VPS37C: variants seen among roughly 807,000 people sequenced by gnomAD.
The protein encoded by VPS37C is VPS37C subunit of ESCRT-I.
Under a neutral mutation model 16.1 loss-of-function variants are expected in VPS37C, and 9 were observed. The ratio of observed to expected loss-of-function variants is 0.56; its 90% CI spans 0.34 to 0.97. The LOEUF is 0.97. VPS37C is among the 50% of genes least tolerant of loss of function. The pLI is 0.02. For missense variants in VPS37C, 479 were observed against 472.7 expected (o/e 1.01, Z -0.12); for synonymous variants, 207 against 206.4 (o/e 1.00, Z -0.02).
At chr11:61,152,512 A>AC (rs1853312407) in intron 1 of VPS37C, among the ~76,000 whole-genome samples, 1 of 151,670 alleles carries the variant, frequency 6.6e-6, no homozygotes, top group Non-Finnish European at 1.5e-5. Context: ...CCTCTTCTAC[A>AC]CCCCCCAGTA....
At chr11:61,148,578 T>TAAAAAAAAA (rs148831092) in intron 1 of VPS37C, among the ~76,000 whole-genome samples, 1 of 143,600 alleles carries the variant, frequency 7.0e-6, no homozygotes. Flanking sequence ...CACAGGAGGT[T>TAAAAAAAAA]AAAAAAAAAA....
chr11:61,142,975 T>TAAAAAAAAAAAAAAAAAAAAAAAA, intron 1 of VPS37C, among the ~76,000 whole-genome samples: 2 of 47,588 alleles, frequency 4.2e-5, no homozygotes, highest in Non-Finnish European at 8.4e-5. Flanking sequence ...AAAGAATAGC[T>TAAAAAAAAAAAAAAAAAAAAAAAA]AAAAAAAAAA....
In VPS37C at chr11:61,130,434, T is replaced by A. The variant is rs1861232013; in HGVS notation, c.*1386A>T. On this transcript the variant is annotated 3_prime_UTR_variant, in exon 5 of 5. Transcript: ENST00000301765. ...CAGCGCTGACCTAGCGTCACGCGGA[T>A]GGCACATAGGCCGGGGAGGGGCAGG... 5.7e-6 allele frequency: 1 copy of A among 175,530 alleles called. No homozygotes were observed. Among genetic ancestry groups the A allele is most frequent in the Non-Finnish European group, 1.2e-5 (1 of 83,394 alleles). 10.9% of individuals were successfully genotyped at this position (175,530 alleles called of 1,614,324 possible). A position where few individuals can be genotyped will look rare whatever the true frequency, so the allele number is the denominator to read the frequency against.
At chr11:61,142,682 A>G (rs935161709) in intron 1 of VPS37C, among the ~76,000 whole-genome samples, 45 of 151,450 alleles carry the variant, frequency 3.0e-4, no homozygotes, top group Admixed American at 6.6e-4. Context: ...ATGTCTCAGA[A>G]TGATTATGAA....
intron 2 of VPS37C, among the ~76,000 whole-genome samples, chr11:61,137,375 G>A (rs572265848): frequency 1.4e-4 from 22 of 152,292 alleles, no homozygotes; most frequent in Non-Finnish European, 2.9e-4. Context: ...AGTTCAGATC[G>A]ATGGGACAGG....
chr11:61,134,317 C>T (rs1861327761), intron 2 of VPS37C, 110 bp from the exon 3 acceptor site: 1 of 1,270,740 alleles, frequency 7.9e-7, no homozygotes, highest in East Asian at 2.4e-5. Context: ...GGCGGAGAGG[C>T]TCATCCTTGG....
chr11:61,133,446 G>T, intron 3 of VPS37C, 109 bp from the exon 4 acceptor site: 2 of 1,121,064 alleles, frequency 1.8e-6, no homozygotes, highest in Non-Finnish European at 2.6e-6. Flanking sequence ...CCACAGCAGG[G>T]TCCACCAAAG....
At chr11:61,147,202 A>T (rs1249931393) in intron 1 of VPS37C, among the ~76,000 whole-genome samples, 1 of 152,146 alleles carries the variant, frequency 6.6e-6, no homozygotes, top group East Asian at 1.9e-4. Flanking sequence ...TGATAAAGAC[A>T]TCCCACAAGA....
Position 61,132,514 on chromosome 11 carries a change from C to A in VPS37C, c.374G>T (p.Gly125Val). 1 of 1,606,760 alleles carries A rather than the reference C, an allele frequency of 6.2e-7. No individual in the cohort carries two copies. Among genetic ancestry groups the A allele is most frequent in the Non-Finnish European group, 8.5e-7 (1 of 1,176,240 alleles). Residue 125 changes from glycine to valine, a missense_variant, in exon 5 of 5, where the codon GGC becomes GTC. By Grantham distance (109) the Gly-to-Val change is moderately radical (BLOSUM62 -3). Transcript: ENST00000301765. ...CAGGAACGTTTCCAGGGGCACCTCG[C>A]CCTCCAGGAACTTCTCAGCCATGGC... ...SEAMAEKFLE[G>V]EVPLETFLEN...
intron 2 of VPS37C, among the ~76,000 whole-genome samples, chr11:61,136,734 AT>A (rs1369485522): frequency 5.3e-5 from 8 of 152,262 alleles, no homozygotes; most frequent in Admixed American, 6.5e-5. Context: ...ATACAGATAT[AT>A]AGCTAGAAAA....
intron 1 of VPS37C, among the ~76,000 whole-genome samples, chr11:61,141,773 T>A (rs572912960): frequency 6.6e-6 from 1 of 152,196 alleles, no homozygotes; most frequent in East Asian, 1.9e-4. Context: ...GCTGCACCCA[T>A]ATCGGCTCCA....
rs552592340 is a variant in VPS37C, at chr11:61,133,398, C to T, written c.266-61G>A. The T allele has an allele frequency of 1.0e-5, 16 of 1,533,636 alleles. No individual in the cohort carries two copies. In the Admixed American group the frequency reaches 2.3e-4, roughly 22 times the overall value. On this transcript the variant is annotated intron_variant, in intron 3 of 4. Transcript: ENST00000301765. ...GTGCTTCCTGATTCAGTGTTAAAGG[C>T]ACTTTGCATACCCTCTGTGTGCATC...
chr11:61,145,671 C>T (rs1245200865), intron 1 of VPS37C, among the ~76,000 whole-genome samples: 1 of 152,236 alleles, frequency 6.6e-6, no homozygotes, highest in Admixed American at 6.5e-5. Context: ...GCCCTTGAAG[C>T]TTGGTCATCC....
At position 61,132,215 on chromosome 11, in the gene VPS37C, G is replaced by C; in HGVS notation, c.673C>G (p.Pro225Ala). 6.6e-7 allele frequency: 1 copy of C among 1,506,706 alleles called. No individual in the cohort carries two copies. The highest frequency in any genetic ancestry group is 8.9e-7 in the Non-Finnish European group (1 of 1,127,972). The allele number at this position is 1,506,706 out of a possible 1,614,324, so 93.3% of individuals were successfully genotyped here. A position where few individuals can be genotyped will look rare whatever the true frequency, so the allele number is the denominator to read the frequency against. The change falls in exon 5 of 5, where the codon CCG (proline) becomes GCG (alanine). Residue 225 changes from proline (P) to alanine (A), a missense_variant. Pro to Ala is a conservative substitution (Grantham distance 27). Coordinates refer to ENST00000301765, the MANE Select transcript of VPS37C (RefSeq NM_017966.5). ...TGGGACACTACTGGGAAAGGGGCCG[G>C]TGGCAGGGCTCCATGGGCAGTGGGG... ...VGPTAHGALP[P>A]APFPVVSQPS... is the part of the protein sequence containing the mutation.
In VPS37C at chr11:61,132,332, T is replaced by C. The variant is rs1265427731; in HGVS notation, c.556A>G (p.Thr186Ala). 1.1e-5 allele frequency: 18 copies of C among 1,599,194 alleles called. No homozygotes were observed. Among genetic ancestry groups the C allele is most frequent in the Non-Finnish European group, 1.5e-5 (18 of 1,172,022 alleles). ...PPPVRPVPQG[T>A]PPVVEEQPQP... Reference sequence around the variant, plus strand: ...GGCTGCTCTTCAACCACAGGGGGTGTTCCCTGGGGGACTGGGCGCACCGGG... The same window carrying C: ...GGCTGCTCTTCAACCACAGGGGGTGCTCCCTGGGGGACTGGGCGCACCGGG... Residue 186 changes from threonine to alanine, a missense_variant, in exon 5 of 5, where the codon ACA (threonine) becomes GCA (alanine). By Grantham distance (58) the Thr-to-Ala change is moderately conservative (BLOSUM62 0). Coordinates refer to ENST00000301765, the MANE Select transcript of VPS37C (RefSeq NM_017966.5).
rs752441091 is a variant in VPS37C, at chr11:61,140,328, G to A, written c.-6-1493C>T. 3.9e-5 allele frequency among the ~76,000 whole-genome samples: 6 copies of A among 152,126 alleles called. No individual in the cohort carries two copies. In the South Asian group the frequency reaches 8.3e-4, roughly 21 times the overall value. ...AAAGGTAAGAGGAGGACTGAGAAAC[G>A]ACCACATGTTCCCATGTACCAGGAA... On this transcript the variant is annotated intron_variant, in intron 1 of 4. Coordinates refer to ENST00000301765, the MANE Select transcript of VPS37C (RefSeq NM_017966.5).
chr11:61,136,554 T>C (rs369120248), intron 2 of VPS37C, among the ~76,000 whole-genome samples: 12 of 152,162 alleles, frequency 7.9e-5, no homozygotes, highest in Non-Finnish European at 8.8e-5. Flanking sequence ...ATTTAGAAAA[T>C]TGCATATCGA....
rs374104998 is a variant in VPS37C, at chr11:61,138,751, G to T, written c.79C>A (p.Leu27Met). The change falls in exon 2 of 5, where the codon CTG becomes ATG. Residue 27 changes from leucine to methionine, a missense_variant. Leu to Met is a conservative substitution (Grantham distance 15, BLOSUM62 2). Coordinates refer to ENST00000301765, the MANE Select transcript of VPS37C (RefSeq NM_017966.5). ...CCTCCCTCTACCTCAGGGGACTCCA[G>T]GGCCAGCTGGTCAATCGCCTCCGAG... ...NDSEAIDQLA[L>M]ESPEVQDLQL... 5 of 1,613,988 alleles carry T rather than the reference G, an allele frequency of 3.1e-6. No homozygotes were observed. Among genetic ancestry groups the T allele is most frequent in the Admixed American group, 1.7e-5 (1 of 60,000 alleles).
intron 1 of VPS37C, chr11:61,145,092 CAATA>C (rs1347794229): frequency 6.6e-6 from 1 of 152,164 alleles, no homozygotes; most frequent in Non-Finnish European, 1.5e-5. Flanking sequence ...TTAATTGAAA[CAATA>C]AATAAAGAGA....
Sources: allele counts gnomAD v4.1 joint callset (sites outside exome capture counted in the v4.1 genomes callset), GRCh38; gene constraint gnomAD v4.1.1; transcripts MANE v1.5; gene names NCBI Gene and HGNC (gene_info 2026-07-23, HGNC 2026-07-21).